Variants in FBXO9 observed in about 807,000 individuals in gnomAD.
FBXO9 encodes the protein F-box protein 9.
FBXO9 carries 43 observed loss-of-function variants against 63.7 expected under a neutral mutation model. The ratio of observed to expected loss-of-function variants is 0.67; its 90% CI spans 0.53 to 0.87. The LOEUF is 0.87. Ranked by LOEUF, FBXO9 falls within the 40% of genes least tolerant of loss-of-function variation. The probability of loss-of-function intolerance (pLI) is 0.00; values close to 1 mark genes in which losing one functional copy is unlikely to be tolerated. For missense variants in FBXO9, 442 were observed against 533.2 expected (o/e 0.83, Z 1.68); for synonymous variants, 156 against 171.7 (o/e 0.91, Z 0.72).
chr6:53,093,811 TA>T (rs1358766816), intron 10 of FBXO9, 73 bp from the exon 11 acceptor site: 1 of 1,190,318 alleles, frequency 8.4e-7, no homozygotes, highest in African/African-American at 1.5e-5. Flanking sequence ...AACACTGTTG[TA>T]ATTTGTTACT....
chr6:53,091,953 T>TG (rs1763051566), intron 7 of FBXO9: 1 of 156,846 alleles, frequency 6.4e-6, no homozygotes, highest in Admixed American at 6.3e-5. Context: ...TCCTACAAGA[T>TG]GCCACCTCAC....
At chr6:53,076,965 G>A (rs1769134691) in intron 4 of FBXO9, among the ~76,000 whole-genome samples, 1 of 151,572 alleles carries the variant, frequency 6.6e-6, no homozygotes, top group African/African-American at 2.4e-5. Flanking sequence ...AATATTGCTG[G>A]GAAACATCAT....
At chr6:53,070,945 A>G in intron 1 of FBXO9, 112 bp from the exon 2 acceptor site, 1 of 1,486,810 alleles carries the variant, frequency 6.7e-7, no homozygotes. Context: ...TGGGTTCCAC[A>G]AAGTGTTGAC....
chr6:53,077,729 C>T (rs893249549), intron 4 of FBXO9, among the ~76,000 whole-genome samples: 1 of 152,098 alleles, frequency 6.6e-6, no homozygotes, highest in African/African-American at 2.4e-5. Context: ...CAAGTTTCTT[C>T]TAGTGATATT....
At position 53,098,112 on chromosome 6, in the gene FBXO9, T is replaced by C. The variant is rs754834366; in HGVS notation, c.*282T>C. On this transcript the variant is annotated 3_prime_UTR_variant, in exon 13 of 13. Transcript: ENST00000323557. ...GAATTAAGTTGCTTAAGCATATTTA[T>C]GTTGTGAGAAACCTTAATATGAGGT... The C allele has an allele frequency of 9.4e-6, 3 of 319,564 alleles. No homozygotes were observed. Among genetic ancestry groups the C allele is most frequent in the South Asian group, 2.6e-5 (1 of 38,104 alleles). 19.8% of individuals were successfully genotyped at this position (319,564 alleles called of 1,614,324 possible).
chr6:53,071,195 A>G, intron 2 of FBXO9, 52 bp downstream of exon 2: 4 of 1,489,678 alleles, frequency 2.7e-6, no homozygotes, highest in Non-Finnish European at 3.6e-6. Flanking sequence ...TCCCATACAT[A>G]TGCAGAAATT....
intron 9 of FBXO9, chr6:53,093,257 C>T: frequency 6.5e-6 from 3 of 459,144 alleles, no homozygotes; most frequent in Non-Finnish European, 1.2e-5. Flanking sequence ...CAACAGTTTC[C>T]CCTGAGGAAG....
chr6:53,097,444 A>C (rs1763242383), intron 12 of FBXO9, among the ~76,000 whole-genome samples: 1 of 152,140 alleles, frequency 6.6e-6, no homozygotes, highest in South Asian at 2.1e-4. Flanking sequence ...GGAAAATACA[A>C]ATAATTAAAT....
chr6:53,085,406 T>C (rs1424300954), intron 7 of FBXO9, among the ~76,000 whole-genome samples: 1 of 152,156 alleles, frequency 6.6e-6, no homozygotes, highest in Non-Finnish European at 1.5e-5. Flanking sequence ...GAATTCAAAA[T>C]AATAATTGTG....
intron 11 of FBXO9, chr6:53,094,958 G>A (rs148320524): frequency 5.3e-6 from 1 of 188,006 alleles, no homozygotes; most frequent in East Asian, 1.7e-4. Context: ...AATATTCATA[G>A]TGTTTACATT....
intron 11 of FBXO9, 49 bp downstream of exon 11, chr6:53,094,027 T>G: frequency 8.3e-7 from 1 of 1,201,276 alleles, no homozygotes; most frequent in Non-Finnish European, 1.2e-6. Context: ...AATAGCCTAT[T>G]CATCCAAGCA....
chr6:53,085,803 A>G (rs1337805951), intron 7 of FBXO9, among the ~76,000 whole-genome samples: 1 of 152,174 alleles, frequency 6.6e-6, no homozygotes, highest in East Asian at 1.9e-4. Flanking sequence ...CATTTGATAT[A>G]TCTACAGGAT....
At chr6:53,080,576 C>T (rs1769275537) in intron 5 of FBXO9, among the ~76,000 whole-genome samples, 1 of 152,118 alleles carries the variant, frequency 6.6e-6, no homozygotes, top group Non-Finnish European at 1.5e-5. Context: ...AAGTAAGTAC[C>T]TCAGATGACG....
chr6:53,085,211 G>A (rs1477182665), intron 7 of FBXO9, among the ~76,000 whole-genome samples: 1 of 152,146 alleles, frequency 6.6e-6, no homozygotes, highest in African/African-American at 2.4e-5. Context: ...TCAATTTTAT[G>A]TAATTTTTTA....
chr6:53,097,604 C>T (rs972347269), intron 12 of FBXO9, 118 bp from the exon 13 acceptor site: 3 of 513,078 alleles, frequency 5.8e-6, no homozygotes, highest in Non-Finnish European at 9.9e-6. Context: ...ATAGAATTTC[C>T]TAAGATGAAT....
At chr6:53,080,365 G>A (rs1401151853) in intron 5 of FBXO9, among the ~76,000 whole-genome samples, 2 of 148,902 alleles carry the variant, frequency 1.3e-5, no homozygotes, top group African/African-American at 5.0e-5. Context: ...TTCTAACTTC[G>A]CCTTCATCCA....
Position 53,065,639 on chromosome 6 carries a change from G to C in FBXO9, c.-151G>C, listed in dbSNP as rs997616834. On this transcript the variant is annotated 5_prime_UTR_variant, in exon 1 of 13. Coordinates refer to ENST00000323557, the MANE Select transcript of FBXO9 (RefSeq NM_033480.3). ...CGCCGGGCCCGCAGTTATTGCCGCT[G>C]CCTGGTGCGCTTCTCCGACCGAGAA... 3.2e-6 allele frequency: 3 copies of C among 934,536 alleles called. No individual in the cohort carries two copies. The highest frequency in any genetic ancestry group is 4.1e-5 in the Admixed American group (1 of 24,262). The allele number at this position is 934,536 out of a possible 1,614,324, so 57.9% of individuals were successfully genotyped here.
At position 53,065,710 on chromosome 6, in the gene FBXO9, A is replaced by G. The variant is rs1768667514; in HGVS notation, c.-80A>G. The G allele has an allele frequency of 9.2e-6, 13 of 1,418,688 alleles. No homozygotes were observed. In the South Asian group the frequency reaches 1.8e-4, roughly 20 times the overall value. 87.9% of individuals were successfully genotyped at this position (1,418,688 alleles called of 1,614,324 possible). ...GAGACAGGCAGGAGTAGACACCCGG[A>G]CACCCAGCACCCCTCCTCCGGGGGG... On this transcript the variant is annotated 5_prime_UTR_variant, in exon 1 of 13. Transcript: ENST00000323557.
intron 1 of FBXO9, among the ~76,000 whole-genome samples, chr6:53,068,809 C>T (rs143915753): frequency 8.1e-4 from 123 of 152,082 alleles, no homozygotes; most frequent in African/African-American, 2.7e-3. Context: ...ACCACCACCC[C>T]CTGGTAATTT....
Sources: allele counts gnomAD v4.1 joint callset (sites outside exome capture counted in the v4.1 genomes callset), GRCh38; gene constraint gnomAD v4.1.1; transcripts MANE v1.5; gene names NCBI Gene and HGNC (gene_info 2026-07-23, HGNC 2026-07-21).